The following ATRNL1 variants were observed in gnomAD, a reference collection of about 807,000 sequenced individuals.
ATRNL1 encodes attractin-like protein 1.
In ATRNL1, 95 loss-of-function variants were observed where a neutral mutation model predicts 182.7. That is an observed-to-expected ratio of 0.52 (90% CI 0.44 to 0.62). The LOEUF (loss-of-function observed/expected upper bound fraction) is 0.62. Among genes scored for constraint, ATRNL1 ranks in the 20% least tolerant of loss-of-function variants. ATRNL1 has a pLI of 0.00. For missense variants in ATRNL1, 1,471 were observed against 1,679.5 expected (o/e 0.88, Z 2.17); for synonymous variants, 576 against 568.3 (o/e 1.01, Z -0.19).
chr10:115,169,311 A>G (rs1193675999), intron 7 of ATRNL1, among the ~76,000 whole-genome samples: 1 of 149,968 alleles, frequency 6.7e-6, no homozygotes, highest in Non-Finnish European at 1.5e-5. Flanking sequence ...GGTTCAAGCG[A>G]TTGTCCTGCC....
chr10:115,099,961 A>AT (rs1302534753), intron 1 of ATRNL1, among the ~76,000 whole-genome samples: 2 of 152,042 alleles, frequency 1.3e-5, no homozygotes, highest in East Asian at 1.9e-4. Context: ...CCAGTTTATC[A>AT]TTTTTTTCTT....
At chr10:115,172,520 T>G (rs531106223) in intron 8 of ATRNL1, among the ~76,000 whole-genome samples, 1 of 152,108 alleles carries the variant, frequency 6.6e-6, no homozygotes, top group African/African-American at 2.4e-5. Context: ...GATTTTGTTT[T>G]CCATCCTCCT....
At position 115,531,336 on chromosome 10, in the gene ATRNL1, G is replaced by A. The variant is rs561480389; in HGVS notation, c.3716+12012G>A. ...GTTGCCATTCTGACTGGTGTGAGAT[G>A]GTATCTCATTGTGGTTTTGATTTGC... On this transcript the variant is annotated intron_variant, in intron 25 of 28. Coordinates refer to ENST00000355044, the MANE Select transcript of ATRNL1 (RefSeq NM_207303.4). Among the ~76,000 whole-genome samples the A allele has an allele frequency of 2.6e-5, 4 of 152,086 alleles. No homozygotes were observed. The South Asian group carries it at 6.2e-4, about 24-fold the overall frequency.
chr10:115,281,494 A>T lies in ATRNL1; in HGVS notation c.2233+7A>T. 2 of 1,612,108 alleles carry T rather than the reference A, an allele frequency of 1.2e-6. No homozygotes were observed. The highest frequency in any genetic ancestry group is 1.7e-4 in the Middle Eastern group (1 of 6,048). On this transcript the variant is annotated splice_region_variant and intron_variant, in intron 14 of 28. Transcript: ENST00000355044. Reference sequence around the variant, plus strand: ...GAATGCCAGGCTTTACCAGGTAAAGATTTCAAAATTTAGTAAATGAGTTTA... The same window carrying T: ...GAATGCCAGGCTTTACCAGGTAAAGTTTTCAAAATTTAGTAAATGAGTTTA...
intron 8 of ATRNL1, among the ~76,000 whole-genome samples, chr10:115,177,924 G>GTTTTTTTTTTTTTTTTTTT (rs587742941): frequency 1.2e-5 from 1 of 81,768 alleles, no homozygotes; most frequent in Non-Finnish European, 2.2e-5. Context: ...TTTTTTTTTT[G>GTTTTTTTTTTTTTTTTTTT]TTTTTTTTTT....
At chr10:115,537,129 G>T (rs1216483339) in intron 25 of ATRNL1, among the ~76,000 whole-genome samples, 1 of 152,146 alleles carries the variant, frequency 6.6e-6, no homozygotes, top group Non-Finnish European at 1.5e-5. Context: ...TAGATACTTA[G>T]GACCTAACTG....
At chr10:115,798,242 AC>A (rs1396411284) in intron 27 of ATRNL1, among the ~76,000 whole-genome samples, 1 of 151,540 alleles carries the variant, frequency 6.6e-6, no homozygotes, top group Non-Finnish European at 1.5e-5. Flanking sequence ...TTTACTCCAC[AC>A]CCCACCTACC....
intron 21 of ATRNL1, among the ~76,000 whole-genome samples, chr10:115,452,495 C>T (rs1847326561): frequency 6.6e-6 from 1 of 151,890 alleles, no homozygotes; most frequent in South Asian, 2.1e-4. Context: ...TGTTCCTGTG[C>T]CATTTATTGC....
rs1554862323 is a variant in ATRNL1, at chr10:115,093,834, C to T, written c.84C>T (p.Gly28=). Residue 28 remains glycine (G), a synonymous_variant, in exon 1 of 29, where the codon GGC becomes GGT. Transcript: ENST00000355044. This position sits in a 1 kb window ranked among gnomAD's most constrained non-coding sequence, Gnocchi z 6.1. ...GGAGGGCTCGGCCGGCGGGCGGCGG[C>T]GGCGGGGGCGCCTCCTCCTGGCTGC... ...GVWRARPAGG[G]GGGASSWLLD... The T allele has an allele frequency of 1.3e-6, 2 of 1,511,980 alleles. No homozygotes were observed. Among genetic ancestry groups the T allele is most frequent in the Non-Finnish European group, 8.8e-7 (1 of 1,133,450 alleles). The allele number at this position is 1,511,980 out of a possible 1,614,324, so 93.7% of individuals were successfully genotyped here.
chr10:115,382,052 A>G (rs1298560335), intron 19 of ATRNL1, among the ~76,000 whole-genome samples: 2 of 152,108 alleles, frequency 1.3e-5, no homozygotes, highest in Non-Finnish European at 2.9e-5. Flanking sequence ...TCTTCCATTT[A>G]TACACAATTT....
In ATRNL1 at chr10:115,336,755, A is replaced by G. The variant is rs1855497180; in HGVS notation, c.3175+2336A>G. On this transcript the variant is annotated intron_variant, in intron 19 of 28. Transcript: ENST00000355044. Reference sequence around the variant, plus strand: ...TGGCATTTATATAATGCTTCTAACCATAACTCCAATTCTTGAGAATGACTT... The same window carrying G: ...TGGCATTTATATAATGCTTCTAACCGTAACTCCAATTCTTGAGAATGACTT... Among the ~76,000 whole-genome samples the G allele has an allele frequency of 2.0e-5, 3 of 152,336 alleles. No homozygotes were observed. The South Asian group carries it at 6.2e-4, about 32-fold the overall frequency.
At chr10:115,539,068 T>G (rs1554991253) in intron 25 of ATRNL1, among the ~76,000 whole-genome samples, 1 of 152,224 alleles carries the variant, frequency 6.6e-6, no homozygotes, top group African/African-American at 2.4e-5. Flanking sequence ...TCTATGATGT[T>G]TGCACAGGGA....
rs193156959 is a variant in ATRNL1, at chr10:115,215,832, A to G, written c.1484A>G (p.Tyr495Cys). 11 of 1,597,198 alleles carry G rather than the reference A, an allele frequency of 6.9e-6. No homozygotes were observed. The East Asian group carries it at 2.3e-4, about 33-fold the overall frequency. ...TATAAAGCATTGCCAGGGAACAAATATGGATTGGTTGATGATCTTTATAAA... is the reference window on the plus strand; with the variant it reads ...TATAAAGCATTGCCAGGGAACAAATGTGGATTGGTTGATGATCTTTATAAA... The part of the protein sequence containing the change: ...GGYKALPGNK[Y>C]GLVDDLYKYE... The change falls in exon 9 of 29, where the codon TAT becomes TGT. Residue 495 changes from tyrosine to cysteine, a missense_variant. Tyr to Cys is a radical substitution (Grantham distance 194, BLOSUM62 -2). This residue lies in a region of ATRNL1 where 1,031 missense variants were observed against 1,156.0 expected (regional missense o/e 0.89). Coordinates refer to ENST00000355044, the MANE Select transcript of ATRNL1 (RefSeq NM_207303.4).
intron 8 of ATRNL1, among the ~76,000 whole-genome samples, chr10:115,185,098 A>G (rs1847892457): frequency 6.6e-6 from 1 of 152,022 alleles, no homozygotes; most frequent in African/African-American, 2.4e-5. Flanking sequence ...ATGGATTGCA[A>G]TTGGAGGTAT....
intron 8 of ATRNL1, among the ~76,000 whole-genome samples, chr10:115,184,153 A>G (rs1438913128): frequency 1.3e-5 from 2 of 151,522 alleles, no homozygotes; most frequent in African/African-American, 2.4e-5. Context: ...CAAAGGAGAA[A>G]AATGATATTA....
intron 26 of ATRNL1, among the ~76,000 whole-genome samples, chr10:115,683,528 G>A (rs957899322): frequency 1.5e-5 from 2 of 135,720 alleles, no homozygotes; most frequent in Admixed American, 1.6e-4. Flanking sequence ...AAGGTATATG[G>A]GAAGAAGAAG....
At chr10:115,754,685 G>C (rs897978584) in intron 27 of ATRNL1, among the ~76,000 whole-genome samples, 1 of 152,174 alleles carries the variant, frequency 6.6e-6, no homozygotes, top group South Asian at 2.1e-4. Flanking sequence ...CTTTAAAGTA[G>C]TGTTTTCCAA....
At chr10:115,293,829 A>T (rs993910469) in intron 15 of ATRNL1, among the ~76,000 whole-genome samples, 1 of 152,088 alleles carries the variant, frequency 6.6e-6, no homozygotes, top group Non-Finnish European at 1.5e-5. Flanking sequence ...GAAATTCACT[A>T]TTGCTGAAAT....
intron 28 of ATRNL1, among the ~76,000 whole-genome samples, chr10:115,904,487 A>G (rs1952442783): frequency 6.6e-6 from 1 of 152,202 alleles, no homozygotes; most frequent in South Asian, 2.1e-4. Context: ...TTTGGCAGTC[A>G]CCATGGGATC....
Sources: allele counts gnomAD v4.1 joint callset (sites outside exome capture counted in the v4.1 genomes callset), GRCh38; gene constraint gnomAD v4.1.1; regional missense constraint gnomAD v4.1.1; non-coding constraint Gnocchi (gnomAD v3.1); transcripts MANE v1.5; gene names NCBI Gene and HGNC (gene_info 2026-07-23, HGNC 2026-07-21).